The following ANKS1B variants were observed in gnomAD, a reference collection of about 807,000 sequenced individuals.
ANKS1B encodes the protein ankyrin repeat and sterile alpha motif domain containing 1B.
Under a neutral mutation model 148.3 loss-of-function variants are expected in ANKS1B, and 36 were observed. The ratio of observed to expected loss-of-function variants is 0.24; its 90% CI spans 0.19 to 0.32. ANKS1B has a LOEUF of 0.32. Among genes scored for constraint, ANKS1B ranks in the 10% least tolerant of loss-of-function variants. The probability of loss-of-function intolerance (pLI) is 1.00; values close to 1 mark genes in which losing one functional copy is unlikely to be tolerated. For missense variants in ANKS1B, 1,157 were observed against 1,542.6 expected, an observed-to-expected ratio of 0.75 and a Z score of 4.19; for synonymous variants, 542 against 560.8, an observed-to-expected ratio of 0.97 and a Z score of 0.47.
intron 9 of ANKS1B, among the ~76,000 whole-genome samples, chr12:99,612,589 C>T (rs997537315): frequency 6.6e-6 from 1 of 152,094 alleles, no homozygotes; most frequent in African/African-American, 2.4e-5. Context: ...TGCCAAGCAC[C>T]ATGAGAGGTT....
At chr12:99,417,279 G>A (rs1457814525) in intron 11 of ANKS1B, among the ~76,000 whole-genome samples, 1 of 152,160 alleles carries the variant, frequency 6.6e-6, no homozygotes, top group Non-Finnish European at 1.5e-5. Context: ...GCCTGTGTAT[G>A]TCCAACTGCT....
At chr12:98,988,322 T>C (rs937623775) in intron 17 of ANKS1B, among the ~76,000 whole-genome samples, 1 of 152,076 alleles carries the variant, frequency 6.6e-6, no homozygotes, top group Admixed American at 6.5e-5. Flanking sequence ...TGAGATCAAC[T>C]TTTTTAGATT....
chr12:99,824,069 T>G (rs1249253649), intron 2 of ANKS1B, among the ~76,000 whole-genome samples: 2 of 152,212 alleles, frequency 1.3e-5, no homozygotes, highest in Non-Finnish European at 2.9e-5. Flanking sequence ...GCTTTGGCTA[T>G]TTGAGCTCTT....
chr12:98,979,179 T>C (rs1473499865), intron 17 of ANKS1B, among the ~76,000 whole-genome samples: 1 of 151,736 alleles, frequency 6.6e-6, no homozygotes, highest in Non-Finnish European at 1.5e-5. Flanking sequence ...GAAAAAGTAT[T>C]TTATATTTAT....
At chr12:99,304,486 T>C (rs149524807) in intron 12 of ANKS1B, among the ~76,000 whole-genome samples, 126 of 152,232 alleles carry the variant, frequency 8.3e-4, no homozygotes, top group African/African-American at 2.9e-3. Context: ...CCGTTTTCTT[T>C]TACTAGCTTT....
rs2098447272 is a variant in ANKS1B at position 98,763,981 on chromosome 12, C to T, written c.3579+9061G>A. Among the ~76,000 whole-genome samples the T allele has an allele frequency of 2.0e-5, 3 of 152,226 alleles. No homozygotes were observed. The South Asian group carries it at 6.2e-4, about 32-fold the overall frequency. On this transcript the variant is annotated intron_variant, in intron 25 of 26. Transcript: ENST00000683438. ...TTCCAGGTTCCCTGTGGATGTCATG[C>T]ACTGCAGCCCAACACACTGGTCACC...
chr12:99,452,727 A>G (rs1306199544), intron 10 of ANKS1B, among the ~76,000 whole-genome samples: 2 of 152,244 alleles, frequency 1.3e-5, no homozygotes, highest in Admixed American at 1.3e-4. Flanking sequence ...TTAGTTAATA[A>G]TCCAAATAAT....
At chr12:99,812,511 C>CCACACACACACA (rs10539640) in intron 2 of ANKS1B, among the ~76,000 whole-genome samples, 200 bp from the exon 3 acceptor site, 11 of 126,094 alleles carry the variant, frequency 8.7e-5, no homozygotes, top group South Asian at 5.6e-4. Flanking sequence ...TCACCCCATG[C>CCACACACACACA]CACACACACA....
chr12:99,114,279 G>C (rs1161485122), intron 15 of ANKS1B, among the ~76,000 whole-genome samples: 2 of 152,172 alleles, frequency 1.3e-5, no homozygotes, highest in African/African-American at 4.8e-5. Context: ...ATTAACAACT[G>C]TGACTTCAAA....
At chr12:99,458,942 G>A (rs1020758396) in intron 10 of ANKS1B, among the ~76,000 whole-genome samples, 3 of 151,872 alleles carry the variant, frequency 2.0e-5, no homozygotes, top group African/African-American at 7.3e-5. Flanking sequence ...ACCAAAACCA[G>A]GAAAGGACAT....
chr12:99,820,263 C>A (rs192082910), intron 2 of ANKS1B, among the ~76,000 whole-genome samples: 1 of 151,952 alleles, frequency 6.6e-6, no homozygotes, highest in Admixed American at 6.6e-5. Context: ...ATTTCAGGTA[C>A]AAAATGCTGC....
intron 15 of ANKS1B, among the ~76,000 whole-genome samples, chr12:99,134,977 CGACAAAGA>C (rs2067515759): frequency 6.6e-6 from 1 of 151,956 alleles, no homozygotes. Context: ...TTAGCACGAG[CGACAAAGA>C]TCAAATGGGA....
chr12:99,765,968 A>G (rs1345474559), intron 8 of ANKS1B, among the ~76,000 whole-genome samples: 1 of 152,136 alleles, frequency 6.6e-6, no homozygotes, highest in Non-Finnish European at 1.5e-5. Context: ...AATCTGTAGG[A>G]CTCACAATCT....
intron 1 of ANKS1B, among the ~76,000 whole-genome samples, chr12:99,913,495 A>C (rs139356567): frequency 1.3e-5 from 2 of 152,286 alleles, no homozygotes; most frequent in Admixed American, 6.5e-5. Flanking sequence ...TTTTGAAATA[A>C]AGAAAAAAAA....
At chr12:99,043,142 A>T (rs114062462) in intron 17 of ANKS1B, among the ~76,000 whole-genome samples, 7 of 152,068 alleles carry the variant, frequency 4.6e-5, no homozygotes, top group East Asian at 1.9e-4. Context: ...GTATTTTTTT[A>T]AAAAAGATCA....
At position 99,615,174 on chromosome 12, in the gene ANKS1B, C is replaced by CACAG. The variant is rs35569353; in HGVS notation, c.1272+39889_1272+39892dup. On this transcript the variant is annotated intron_variant, in intron 9 of 26. Transcript: ENST00000683438. Reference sequence around the variant, plus strand: ...GGTAGGTAGGTAGGCAGATAGATTACACAGACAGACAGACAGACAGACAGA... The same window carrying CACAG: ...GGTAGGTAGGTAGGCAGATAGATTACACAGACAGACAGACAGACAGACAGACAGA... 8.5e-3 allele frequency among the ~76,000 whole-genome samples: 1,295 copies of CACAG among 151,624 alleles called. 15 individuals carry two copies. The highest frequency in any genetic ancestry group is 0.028 in the African/African-American group (1,156 of 41,324).
At chr12:99,166,465 A>G (rs2077193576) in intron 14 of ANKS1B, among the ~76,000 whole-genome samples, 1 of 151,846 alleles carries the variant, frequency 6.6e-6, no homozygotes, top group South Asian at 2.1e-4. Context: ...CATCAATTGT[A>G]TTTCCCTACA....
At chr12:99,608,762 T>C (rs1478963501) in intron 9 of ANKS1B, among the ~76,000 whole-genome samples, 1 of 152,026 alleles carries the variant, frequency 6.6e-6, no homozygotes, top group Non-Finnish European at 1.5e-5. Flanking sequence ...CCTGTGTTTT[T>C]CAAGGGGTCT....
chr12:99,236,423 A>G (rs954429129), intron 14 of ANKS1B, among the ~76,000 whole-genome samples: 7 of 152,160 alleles, frequency 4.6e-5, no homozygotes, highest in African/African-American at 1.7e-4. Context: ...AAGGGGAAGC[A>G]AGGCACATCT....
Sources: gnomAD v4.1 joint callset for allele counts (sites outside exome capture counted in the v4.1 genomes callset) on GRCh38, gnomAD v4.1.1 for gene constraint, MANE v1.5 for transcripts, NCBI Gene and HGNC (gene_info 2026-07-23, HGNC 2026-07-21) for gene names.